Variants in ENPP3 observed in about 807,000 individuals in gnomAD.
ENPP3 encodes the protein ectonucleotide pyrophosphatase/phosphodiesterase 3.
In ENPP3, 104 loss-of-function variants were observed where a neutral mutation model predicts 117.8. The ratio of observed to expected loss-of-function variants is 0.88; its 90% confidence interval spans 0.75 to 1.04. The LOEUF (loss-of-function observed/expected upper bound fraction) is 1.04, where lower values mean the gene tolerates loss of function less well. Ranked by LOEUF, ENPP3 falls within the 50% of genes least tolerant of loss-of-function variation. The probability of loss-of-function intolerance (pLI) is 0.00; values close to 1 mark genes in which losing one functional copy is unlikely to be tolerated. For missense variants in ENPP3, 1,026 were observed against 1,051.9 expected (o/e 0.98, Z 0.34); for synonymous variants, 380 against 349.9 (o/e 1.09, Z -0.96).
intron 15 of ENPP3, among the ~76,000 whole-genome samples, chr6:131,702,363 T>C (rs2531076): frequency 6.9e-6 from 1 of 144,538 alleles, no homozygotes; most frequent in African/African-American, 2.7e-5. Flanking sequence ...CTCCACAGCA[T>C]ATATCTCACA....
At chr6:131,683,794 A>G (rs1289995627) in intron 12 of ENPP3, among the ~76,000 whole-genome samples, 2 of 133,596 alleles carry the variant, frequency 1.5e-5, no homozygotes, top group Admixed American at 8.7e-5. Flanking sequence ...TCTGTCACCC[A>G]GGCTGGAATG....
chr6:131,736,559 G>A (rs564901447), intron 21 of ENPP3, among the ~76,000 whole-genome samples: 2 of 152,166 alleles, frequency 1.3e-5, no homozygotes, highest in Admixed American at 6.5e-5. Flanking sequence ...CCCACAGCAC[G>A]TGGGAATTAT....
rs1780498303 is a variant in ENPP3, at chr6:131,740,226, A to G, written c.2303A>G (p.His768Arg). The stretch of plus-strand genomic sequence containing the variant: ...ATGTTTTCAATTATGTTTGTAAGAC[A>G]TTTAGCCAACACTGATGTTCCCATC... ...HFDAPDEITK[H>R]LANTDVPIPT... Residue 768 changes from histidine to arginine, a missense_variant and splice_region_variant, in exon 24 of 25, where the codon CAT (histidine) becomes CGT (arginine). Coordinates refer to ENST00000357639, the MANE Select transcript of ENPP3 (RefSeq NM_005021.5). The G allele has an allele frequency of 6.3e-7, 1 of 1,580,668 alleles. No homozygotes were observed. The highest frequency in any genetic ancestry group is 8.6e-7 in the Non-Finnish European group (1 of 1,163,226).
intron 11 of ENPP3, among the ~76,000 whole-genome samples, chr6:131,681,138 G>A (rs1779015407): frequency 6.6e-6 from 1 of 152,208 alleles, no homozygotes; most frequent in African/African-American, 2.4e-5. Context: ...AAACCAAAGT[G>A]CAGGTCACAC....
chr6:131,651,390 C>G (rs115031596), intron 3 of ENPP3, among the ~76,000 whole-genome samples: 4 of 152,084 alleles, frequency 2.6e-5, no homozygotes, highest in African/African-American at 9.7e-5. Flanking sequence ...TTTATTTAAC[C>G]GAGGTTGAGG....
At chr6:131,690,848 G>A (rs1481093321) in intron 14 of ENPP3, among the ~76,000 whole-genome samples, 1 of 151,872 alleles carries the variant, frequency 6.6e-6, no homozygotes, top group Non-Finnish European at 1.5e-5. Context: ...CTGGTGAAGT[G>A]TATACTTGCA....
chr6:131,641,761 A>G (rs914388529), intron 2 of ENPP3, among the ~76,000 whole-genome samples: 21 of 118,040 alleles, frequency 1.8e-4, no homozygotes, highest in African/African-American at 6.6e-4. Context: ...GAGACTCATT[A>G]TCATTCCAGT....
At chr6:131,710,767 C>G in intron 15 of ENPP3, 1 of 1,612,880 alleles carries the variant, frequency 6.2e-7, no homozygotes, top group Non-Finnish European at 8.5e-7. Context: ...TTCAATTAGT[C>G]CAGAAAGCGT....
intron 15 of ENPP3, 87 bp downstream of exon 15, chr6:131,693,711 T>C: frequency 2.3e-6 from 3 of 1,316,242 alleles, no homozygotes; most frequent in South Asian, 2.7e-5. Flanking sequence ...GCTATTATCA[T>C]CACTGTGAAT....
At chr6:131,677,285 A>T (rs1283591902) in intron 10 of ENPP3, among the ~76,000 whole-genome samples, 9 of 152,156 alleles carry the variant, frequency 5.9e-5, no homozygotes, top group Non-Finnish European at 8.8e-5. Flanking sequence ...TTGTTTTCGA[A>T]AATGTGGTTG....
chr6:131,726,320 G>A, intron 20 of ENPP3, 120 bp downstream of exon 20: 1 of 812,296 alleles, frequency 1.2e-6, no homozygotes, highest in Non-Finnish European at 1.9e-6. Flanking sequence ...CTGGCCTGTA[G>A]CTTGCAAGAC....
At chr6:131,645,093 C>T (rs1778128240) in intron 2 of ENPP3, among the ~76,000 whole-genome samples, 1 of 152,176 alleles carries the variant, frequency 6.6e-6, no homozygotes, top group Non-Finnish European at 1.5e-5. Context: ...TTGGCATGTA[C>T]CCAACTTGCC....
At chr6:131,683,421 A>C (rs999003455) in intron 12 of ENPP3, among the ~76,000 whole-genome samples, 14 of 152,124 alleles carry the variant, frequency 9.2e-5, no homozygotes, top group African/African-American at 3.1e-4. Flanking sequence ...TTTAACAGGG[A>C]TGTGGTTGGG....
Position 131,746,830 on chromosome 6 carries a change from T to G in ENPP3, c.2502T>G (p.Ala834=), listed in dbSNP as rs1009150091. ...TTTGGGTTGAAGAAAGATTTACAGCTCACATTGCCCGGGTCCGTGATGTAG... is the reference window on the plus strand; with the variant it reads ...TTTGGGTTGAAGAAAGATTTACAGCGCACATTGCCCGGGTCCGTGATGTAG... The part of the protein sequence containing the change: ...EALWVEERFT[A]HIARVRDVEL... Residue 834 remains alanine, a synonymous_variant, in exon 25 of 25, where the codon GCT becomes GCG. Coordinates refer to ENST00000357639, the MANE Select transcript of ENPP3 (RefSeq NM_005021.5). The G allele has an allele frequency of 6.2e-7, 1 of 1,612,506 alleles. No homozygotes were observed. The highest frequency in any genetic ancestry group is 8.5e-7 in the Non-Finnish European group (1 of 1,179,560).
rs540011427 is a variant in ENPP3 at position 131,641,799 on chromosome 6, G to GTTTTTTTTT, written c.154+285_154+293dup. On this transcript the variant is annotated intron_variant, in intron 2 of 24. Transcript: ENST00000357639. ...TTTTCTCTTACCTTTCTCCACCCTG[G>GTTTTTTTTT]TTTTTTTTTTTTTTTTTTTTTTTTG... Among the ~76,000 whole-genome samples, 154 of 64,058 alleles carry GTTTTTTTTT rather than the reference G, an allele frequency of 2.4e-3. 14 individuals carry two copies. Among genetic ancestry groups the GTTTTTTTTT allele is most frequent in the Middle Eastern group, 0.016 (1 of 64 alleles). 42.0% of individuals were successfully genotyped at this position (64,058 alleles called of 152,430 possible). A position where few individuals can be genotyped will look rare whatever the true frequency, so the allele number is the denominator to read the frequency against.
chr6:131,692,318 A>G (rs1175749851), intron 14 of ENPP3, among the ~76,000 whole-genome samples: 1 of 152,040 alleles, frequency 6.6e-6, no homozygotes, highest in Non-Finnish European at 1.5e-5. Context: ...GCATTTCTAC[A>G]ATTTTAAAAT....
At chr6:131,652,731 G>C in intron 4 of ENPP3, 64 bp downstream of exon 4, 1 of 1,607,544 alleles carries the variant, frequency 6.2e-7, no homozygotes, top group Non-Finnish European at 8.5e-7. Context: ...GAGTTTCCTA[G>C]AGCCATGCTA....
intron 20 of ENPP3, among the ~76,000 whole-genome samples, chr6:131,728,732 T>C (rs1231500215): frequency 6.6e-6 from 1 of 152,236 alleles, no homozygotes; most frequent in East Asian, 1.9e-4. Flanking sequence ...ATAGAGCTTT[T>C]GTTTTTCTGT....
At chr6:131,721,129 G>A (rs186037211) in intron 17 of ENPP3, among the ~76,000 whole-genome samples, 24 of 152,226 alleles carry the variant, frequency 1.6e-4, no homozygotes, top group African/African-American at 5.5e-4. Context: ...AAACCTTAAA[G>A]CATTAGGATT....
Sources: gnomAD v4.1 joint callset for allele counts (sites outside exome capture counted in the v4.1 genomes callset) on GRCh38, gnomAD v4.1.1 for gene constraint, MANE v1.5 for transcripts, NCBI Gene and HGNC (gene_info 2026-07-23, HGNC 2026-07-21) for gene names.